Variants in CFAP410 observed in about 807,000 individuals in gnomAD.
CFAP410 encodes the protein cilia- and flagella-associated protein 410.
A neutral mutation model predicts 25.7 loss-of-function variants in CFAP410; 27 were observed. That is an observed-to-expected ratio of 1.05 (90% CI 0.77 to 1.45). CFAP410 has a LOEUF of 1.45. CFAP410 is among the 40% of genes most tolerant of loss of function. The pLI is 0.00. For missense variants in CFAP410, 428 were observed against 354.1 expected (o/e 1.21, Z -1.67); for synonymous variants, 178 against 158.4 (o/e 1.12, Z -0.93).
intron 3 of CFAP410, 36 bp from the exon 4 acceptor site, chr21:44,333,298 G>A (rs185111364): frequency 1.9e-6 from 3 of 1,549,682 alleles, no homozygotes; most frequent in Admixed American, 3.6e-5. Flanking sequence ...GAGGGACGTG[G>A]CCAGGGCCCC....
At chr21:44,338,923 G>A (rs1263552367) in intron 1 of CFAP410, 195 bp downstream of exon 1, 1 of 102,406 alleles carries the variant, frequency 9.8e-6, no homozygotes, top group East Asian at 1.8e-4. Context: ...CCCCGCCCCG[G>A]CTCCGCCCTC....
chr21:44,331,192 G>C (rs1334933955), intron 5 of CFAP410: 2 of 537,374 alleles, frequency 3.7e-6, no homozygotes, highest in Non-Finnish European at 6.6e-6. Context: ...GGCTTCAGGG[G>C]CAGGGTGGGG....
intron 2 of CFAP410, among the ~76,000 whole-genome samples, chr21:44,337,120 G>A (rs184288061): frequency 1.0e-3 from 151 of 151,696 alleles, no homozygotes; most frequent in African/African-American, 3.4e-3. Context: ...ATTGGTATGC[G>A]ATCCCTGTGT....
chr21:44,331,234 C>T (rs777128637), intron 5 of CFAP410: 262 of 462,918 alleles, frequency 5.7e-4, no homozygotes, highest in Non-Finnish European at 8.3e-4. Context: ...CGGGGGAGAG[C>T]TCCTGACCAT....
At chr21:44,331,722 G>A (rs906667036) in intron 5 of CFAP410, 121 bp downstream of exon 5, 7 of 915,596 alleles carry the variant, frequency 7.6e-6, no homozygotes, top group African/African-American at 6.8e-5. Context: ...CACTCCCCCC[G>A]GATAATCCCT....
chr21:44,333,318 C>T, intron 3 of CFAP410, 56 bp from the exon 4 acceptor site: 2 of 1,366,676 alleles, frequency 1.5e-6, no homozygotes, highest in Admixed American at 2.0e-5. Context: ...CCAGGGCCAC[C>T]TCTCAATCCC....
Position 44,339,386 on chromosome 21 carries a change from G to GC in CFAP410, c.-193dup, listed in dbSNP as rs2047827244. 1 of 416,650 alleles carries GC rather than the reference G, an allele frequency of 2.4e-6. No individual in the cohort carries two copies. The allele number at this position is 416,650 out of a possible 1,614,324, so 25.8% of individuals were successfully genotyped here. On this transcript the variant is annotated 5_prime_UTR_variant, in exon 1 of 7. Coordinates refer to ENST00000339818, the MANE Select transcript of CFAP410 (RefSeq NM_004928.3). ...CCGCTTGGGCGCCGCTGACACGTTG[G>GC]CTCTGCTCCTGCTCATGCGCGGCCT...
rs2047819296 is a variant in CFAP410 at position 44,339,135 on chromosome 21, C to G, written c.60G>C (p.Val20=). The G allele has an allele frequency of 6.8e-7, 1 of 1,463,780 alleles. No homozygotes were observed. Among genetic ancestry groups the G allele is most frequent in the Non-Finnish European group, 9.1e-7 (1 of 1,102,668 alleles). 90.7% of individuals were successfully genotyped at this position (1,463,780 alleles called of 1,614,324 possible). The stretch of plus-strand genomic sequence containing the variant: ...CGCCTCACCAGCAGTTGAGCTTGCG[C>G]ACGCTGTGCAGCTCCGAGGCCTTGG... ...TRAKASELHS[V]RKLNCWGSRL... Residue 20 remains valine (V), a synonymous_variant, in exon 1 of 7, where the codon GTG becomes GTC. Coordinates refer to ENST00000339818, the MANE Select transcript of CFAP410 (RefSeq NM_004928.3).
At chr21:44,333,865 C>T (rs944049618) in intron 3 of CFAP410, 10 of 354,604 alleles carry the variant, frequency 2.8e-5, no homozygotes, top group African/African-American at 1.9e-4. Flanking sequence ...GAGCCGCTCC[C>T]GCAGGCCCTC....
chr21:44,331,835 A>T lies in CFAP410; in HGVS notation c.545+8T>A. On this transcript the variant is annotated splice_region_variant and intron_variant, in intron 5 of 6. Coordinates refer to ENST00000339818, the MANE Select transcript of CFAP410 (RefSeq NM_004928.3). Reference sequence around the variant, plus strand: ...GGCTGCGGAGTCCCCGCTGCCCTCCAGCCTCACGTTGCCTCCTCCTCGCTG... The same window carrying T: ...GGCTGCGGAGTCCCCGCTGCCCTCCTGCCTCACGTTGCCTCCTCCTCGCTG... 2.5e-6 allele frequency: 4 copies of T among 1,608,906 alleles called. No homozygotes were observed. Among genetic ancestry groups the T allele is most frequent in the Non-Finnish European group, 3.4e-6 (4 of 1,179,074 alleles).
At chr21:44,331,071 G>A (rs559245598) in intron 5 of CFAP410, 152 bp from the exon 6 acceptor site, 17 of 695,232 alleles carry the variant, frequency 2.4e-5, no homozygotes, top group Non-Finnish European at 4.0e-5. Context: ...GGCAACTCCT[G>A]GGAGGTCAGG....
intron 5 of CFAP410, chr21:44,331,486 C>G (rs1021163656): frequency 9.3e-6 from 3 of 321,508 alleles, no homozygotes; most frequent in African/African-American, 2.2e-5. Context: ...ATGGCCGTGC[C>G]CACAAACCAT....
At position 44,333,187 on chromosome 21, in the gene CFAP410, G is replaced by A. The variant is rs1358584229; in HGVS notation, c.219C>T (p.Arg73=). The change falls in exon 4 of 7, where the codon CGC becomes CGT. Residue 73 remains arginine (R), a synonymous_variant. Coordinates refer to ENST00000339818, the MANE Select transcript of CFAP410 (RefSeq NM_004928.3). ...RLSELYLRRN[R]IPSLAELFYL... ...AGAAGAGCTCAGCCAGGCTGGGGATGCGGTTCCTCCGCAGGTACAGCTCAC... is the reference window on the plus strand; with the variant it reads ...AGAAGAGCTCAGCCAGGCTGGGGATACGGTTCCTCCGCAGGTACAGCTCAC... 6.2e-7 allele frequency: 1 copy of A among 1,612,958 alleles called. No individual in the cohort carries two copies. Among genetic ancestry groups the A allele is most frequent in the South Asian group, 1.1e-5 (1 of 91,068 alleles).
At position 44,335,749 on chromosome 21, in the gene CFAP410, G is replaced by A. The variant is rs779288110; in HGVS notation, c.143+9C>T. 2 of 1,584,176 alleles carry A rather than the reference G, an allele frequency of 1.3e-6. No individual in the cohort carries two copies. The highest frequency in any genetic ancestry group is 2.3e-5 in the South Asian group (2 of 87,064). On this transcript the variant is annotated intron_variant, in intron 3 of 6. Coordinates refer to ENST00000339818, the MANE Select transcript of CFAP410 (RefSeq NM_004928.3). ...CCCCAGGCTGAGCATGACAGCAGGA[G>A]CGAGGTACCTGAGCGTGATCACCTC...
At position 44,337,668 on chromosome 21, in the gene CFAP410, C is replaced by A. The variant is rs1568992782; in HGVS notation, c.78-1G>T. ...ACTTACATCTGTGAGGCGGCTGCCC[C>A]TGGGGAGAGAAAAGATACATACTTT... On this transcript the variant is annotated splice_acceptor_variant, in intron 1 of 6. Transcript: ENST00000339818. LOFTEE classifies it high-confidence loss of function. 1 of 1,612,296 alleles carries A rather than the reference C, an allele frequency of 6.2e-7. No homozygotes were observed. The highest frequency in any genetic ancestry group is 8.5e-7 in the Non-Finnish European group (1 of 1,178,718).
rs980399050 is a variant in CFAP410, at chr21:44,329,552, G to C, written c.*646C>G. Reference sequence around the variant, plus strand: ...CTGTGCCAGGCCCGGACCCCAGGGCGAACAGGCCTGTTCATCCACAACCTC... The same window carrying C: ...CTGTGCCAGGCCCGGACCCCAGGGCCAACAGGCCTGTTCATCCACAACCTC... On this transcript the variant is annotated 3_prime_UTR_variant, in exon 7 of 7. Transcript: ENST00000339818. 2 of 152,258 alleles carry C rather than the reference G, an allele frequency of 1.3e-5. No homozygotes were observed. Among genetic ancestry groups the C allele is most frequent in the African/African-American group, 4.8e-5 (2 of 41,442 alleles). The allele number at this position is 152,258 out of a possible 1,614,324, so 9.4% of individuals were successfully genotyped here. A position where few individuals can be genotyped will look rare whatever the true frequency, so the allele number is the denominator to read the frequency against.
chr21:44,332,531 T>C (rs4818709), intron 4 of CFAP410: 141,152 of 163,632 alleles, frequency 0.86, 61,102 homozygotes, highest in African/African-American at 0.94. Flanking sequence ...GAGGCACGAG[T>C]GCCTCCAATA....
At chr21:44,331,325 T>G (rs1602074788) in intron 5 of CFAP410, 1 of 274,964 alleles carries the variant, frequency 3.6e-6, no homozygotes, top group South Asian at 6.3e-5. Context: ...CAGCAGCGGG[T>G]GTGATCTGCC....
chr21:44,332,077 G>A (rs2047660835), intron 4 of CFAP410, 63 bp from the exon 5 acceptor site: 1 of 1,374,404 alleles, frequency 7.3e-7, no homozygotes, highest in South Asian at 1.4e-5. Context: ...CACATGCACT[G>A]CAGCTCCCGT....
Sources: gnomAD v4.1 joint callset for allele counts (sites outside exome capture counted in the v4.1 genomes callset) on GRCh38, gnomAD v4.1.1 for gene constraint, MANE v1.5 for transcripts, NCBI Gene and HGNC (gene_info 2026-07-23, HGNC 2026-07-21) for gene names.